The following EGFL7 variants were observed in gnomAD, a reference collection of about 807,000 sequenced individuals.
The protein encoded by EGFL7 is epidermal growth factor-like protein 7.
A neutral mutation model predicts 37.1 loss-of-function variants in EGFL7; 48 were observed. That is an observed-to-expected ratio of 1.29 (90% CI 1.03 to 1.65). EGFL7 has a LOEUF of 1.65. EGFL7 is among the 40% of genes most tolerant of loss of function. The pLI, the probability that EGFL7 is intolerant of heterozygous loss-of-function variation, is 0.00. For missense variants in EGFL7, 384 were observed against 378.9 expected (o/e 1.01, Z -0.11); for synonymous variants, 180 against 156.8 (o/e 1.15, Z -1.10).
intron 8 of EGFL7, chr9:136,670,733 G>A (rs759996604): frequency 2.3e-5 from 17 of 750,514 alleles, no homozygotes; most frequent in Non-Finnish European, 3.2e-5. Context: ...CTCCCTCAGC[G>A]TGGCCGGGAC....
upstream of EGFL7, among the ~76,000 whole-genome samples, chr9:136,662,766 T>C (rs1293993505): frequency 6.6e-6 from 1 of 152,048 alleles, no homozygotes; most frequent in Non-Finnish European, 1.5e-5. Flanking sequence ...CCTCACACGG[T>C]GGCCCCCACC....
upstream of EGFL7, chr9:136,659,664 G>T (rs1415667223): frequency 6.6e-6 from 1 of 152,414 alleles, no homozygotes; most frequent in Non-Finnish European, 1.5e-5. Context: ...ACTAACCTCA[G>T]AACATTCCCA....
chr9:136,669,207 C>A (rs1017181083), intron 5 of EGFL7, among the ~76,000 whole-genome samples: 9 of 152,218 alleles, frequency 5.9e-5, no homozygotes, highest in Admixed American at 3.3e-4. Flanking sequence ...GGGGAGGGGC[C>A]TGGGAATTCA....
At position 136,672,607 on chromosome 9, in the gene EGFL7, C is replaced by T; in HGVS notation, c.*321C>T. 2.0e-6 allele frequency: 1 copy of T among 502,566 alleles called. No individual in the cohort carries two copies. Among genetic ancestry groups the T allele is most frequent in the South Asian group, 2.9e-5 (1 of 34,192 alleles). 31.1% of individuals were successfully genotyped at this position (502,566 alleles called of 1,614,324 possible). ...CCTGGGACCCATGGCACAGGCCAGG[C>T]AGCCCGGAGGCTGGGTGGGGCCTCA... On this transcript the variant is annotated 3_prime_UTR_variant, in exon 11 of 11. Transcript: ENST00000308874.
rs537014457 is a variant in EGFL7 at position 136,666,727 on chromosome 9, G to A, written c.-42-1514G>A. ...TCCCCCTGCCCACATCAAGCCGCCG[G>A]GCCGCTGCCCTACCTCTTCCTTCCC... On this transcript the variant is annotated intron_variant, in intron 3 of 10. Coordinates refer to ENST00000308874, the MANE Select transcript of EGFL7 (RefSeq NM_016215.5). The surrounding 1 kb of genome is among the most constrained non-coding windows in gnomAD (Gnocchi z 6.8). Among the ~76,000 whole-genome samples, 21 of 152,094 alleles carry A rather than the reference G, an allele frequency of 1.4e-4. No homozygotes were observed. The highest frequency in any genetic ancestry group is 4.8e-4 in the African/African-American group (20 of 41,482).
In EGFL7 at chr9:136,672,099, C is replaced by T. The variant is rs932266007; in HGVS notation, c.799+11C>T. 5 of 1,547,848 alleles carry T rather than the reference C, an allele frequency of 3.2e-6. No individual in the cohort carries two copies. The African/African-American group carries it at 6.8e-5, about 21-fold the overall frequency. On this transcript the variant is annotated intron_variant, in intron 10 of 10. Coordinates refer to ENST00000308874, the MANE Select transcript of EGFL7 (RefSeq NM_016215.5). ...AGCAGCTGGGGTCCTGTGAGTGCCC[C>T]CACCCTCCAGAGCCCTCCTCCCGGG... is the stretch of plus-strand genomic sequence containing the variant.
At position 136,669,920 on chromosome 9, in the gene EGFL7, G is replaced by T; in HGVS notation, c.320G>T (p.Cys107Phe). The change falls in exon 7 of 11, where the codon TGC (cysteine) becomes TTC (phenylalanine). Residue 107 changes from cysteine (C) to phenylalanine (F), a missense_variant. By Grantham distance (205) the Cys-to-Phe change is radical. Transcript: ENST00000308874. ...GLPGACGAAICQPPCRNGGSC... is the reference protein window; with the variant it reads ...GLPGACGAAIFQPPCRNGGSC... ...CAGCCTCCCCCGCCCACAGCAATAT[G>T]CCAGCCGCCATGCCGGAACGGAGGG... 1 of 1,593,084 alleles carries T rather than the reference G, an allele frequency of 6.3e-7. No individual in the cohort carries two copies. The highest frequency in any genetic ancestry group is 8.5e-7 in the Non-Finnish European group (1 of 1,170,834).
chr9:136,671,614 C>G (rs1270956691), intron 9 of EGFL7, among the ~76,000 whole-genome samples: 2 of 151,514 alleles, frequency 1.3e-5, no homozygotes, highest in African/African-American at 4.9e-5. Context: ...GACCTCCCCA[C>G]CCCCCCATCT....
rs760679475 is a variant in EGFL7 at position 136,668,564 on chromosome 9, G to A, written c.88G>A (p.Val30Met). ...TEHAYRPGRR[V>M]CAVRAHGDPV... ...CCCTCTCCACCCCCGCAGCCGTAGG[G>A]TGTGTGCTGTCCGGGCTCACGGGGA... Residue 30 changes from valine (V) to methionine (M), a missense_variant, in exon 5 of 11, where the codon GTG becomes ATG. By Grantham distance (21) the Val-to-Met change is conservative (BLOSUM62 1). Coordinates refer to ENST00000308874, the MANE Select transcript of EGFL7 (RefSeq NM_016215.5). The A allele has an allele frequency of 3.4e-5, 55 of 1,608,914 alleles. No homozygotes were observed. Among genetic ancestry groups the A allele is most frequent in the Non-Finnish European group, 4.3e-5 (51 of 1,179,730 alleles).
At chr9:136,664,208 GC>G (rs1845320566) in intron 2 of EGFL7, among the ~76,000 whole-genome samples, 1 of 152,206 alleles carries the variant, frequency 6.6e-6, no homozygotes, top group Admixed American at 6.5e-5. Flanking sequence ...TGGACCACGT[GC>G]CAGGGGCTTC....
chr9:136,672,210 G>A, intron 10 of EGFL7, 54 bp from the exon 11 acceptor site: 3 of 1,612,800 alleles, frequency 1.9e-6, no homozygotes, highest in Non-Finnish European at 2.5e-6. Context: ...ATCTAGCTGG[G>A]CGGGGAGGCT....
At position 136,663,567 on chromosome 9, in the gene EGFL7, G is replaced by A. The variant is rs932368846; in HGVS notation, c.-193G>A. ...GGGCCCGGGGAGGGGAACTGGCCCCGAGGGAGAGGAACCCCAAAGCCACAT... is the reference window on the plus strand; with the variant it reads ...GGGCCCGGGGAGGGGAACTGGCCCCAAGGGAGAGGAACCCCAAAGCCACAT... On this transcript the variant is annotated 5_prime_UTR_variant, in exon 2 of 11. Transcript: ENST00000308874. 4 of 152,328 alleles carry A rather than the reference G, an allele frequency of 2.6e-5. No homozygotes were observed. The highest frequency in any genetic ancestry group is 6.5e-5 in the Admixed American group (1 of 15,284). 9.4% of individuals were successfully genotyped at this position (152,328 alleles called of 1,614,324 possible). A position where few individuals can be genotyped will look rare whatever the true frequency, so the allele number is the denominator to read the frequency against.
At chr9:136,669,567 A>T (rs758005808) in intron 5 of EGFL7, 39 bp from the exon 6 acceptor site, 1 of 1,470,094 alleles carries the variant, frequency 6.8e-7, no homozygotes, top group Non-Finnish European at 9.4e-7. Flanking sequence ...ACTAAGGGGG[A>T]GTAGGATGCC....
chr9:136,663,231 G>A (rs1317091170), intron 1 of EGFL7, 123 bp downstream of exon 1: 2 of 152,394 alleles, frequency 1.3e-5, no homozygotes, highest in Non-Finnish European at 2.9e-5. Context: ...GAGGTCACAG[G>A]GGAGGGGTCC....
At chr9:136,669,534 G>T (rs1398512436) in intron 5 of EGFL7, 72 bp from the exon 6 acceptor site, 9 of 1,128,348 alleles carry the variant, frequency 8.0e-6, no homozygotes, top group Non-Finnish European at 1.2e-5. Flanking sequence ...CTCTGAGAGG[G>T]GACTCTAGAT....
chr9:136,672,048 G>C lies in EGFL7; in HGVS notation c.759G>C (p.Leu253=), dbSNP rs1425416720. ...AGCAGCTCGGCCGCATCGACTCCCT[G>C]AGCGAGCAGATTTCCTTCCTGGAGG... is the stretch of plus-strand genomic sequence containing the variant. ...SFQQLGRIDS[L]SEQISFLEEQ... The change falls in exon 10 of 11, where the codon CTG becomes CTC. Residue 253 remains leucine, a synonymous_variant. Coordinates refer to ENST00000308874, the MANE Select transcript of EGFL7 (RefSeq NM_016215.5). 3.2e-6 allele frequency: 5 copies of C among 1,546,014 alleles called. No homozygotes were observed. The highest frequency in any genetic ancestry group is 4.4e-6 in the Non-Finnish European group (5 of 1,147,014).
intron 9 of EGFL7, 22 bp downstream of exon 9, chr9:136,671,036 G>GTC: frequency 2.1e-6 from 2 of 966,062 alleles, no homozygotes; most frequent in Non-Finnish European, 2.9e-6. Flanking sequence ...GTGGGGGGGG[G>GTC]GGGGGGCAGG....
In EGFL7 at chr9:136,668,293, C is replaced by T; in HGVS notation, c.11C>T (p.Ser4Phe). Residue 4 changes from serine to phenylalanine, a missense_variant, in exon 4 of 11, where the codon TCT becomes TTT. Coordinates refer to ENST00000308874, the MANE Select transcript of EGFL7 (RefSeq NM_016215.5). MRG[S>F]QEVLLMWLLV... is the part of the protein sequence containing the mutation. ...CTGGAGGCACAGGCCATGAGGGGCTCTCAGGAGGTGCTGCTGATGTGGCTT... is the reference window on the plus strand; with the variant it reads ...CTGGAGGCACAGGCCATGAGGGGCTTTCAGGAGGTGCTGCTGATGTGGCTT... 7 of 1,606,910 alleles carry T rather than the reference C, an allele frequency of 4.4e-6. No individual in the cohort carries two copies. The highest frequency in any genetic ancestry group is 5.9e-6 in the Non-Finnish European group (7 of 1,177,264).
At chr9:136,659,484 G>A (rs952517624), upstream of EGFL7, 4 of 152,340 alleles carry the variant, frequency 2.6e-5, no homozygotes, top group African/African-American at 9.7e-5. Flanking sequence ...TGCCCAGGCT[G>A]GCCTCTGCCA....
Sources: gnomAD v4.1 joint callset for allele counts (sites outside exome capture counted in the v4.1 genomes callset) on GRCh38, gnomAD v4.1.1 for gene constraint, Gnocchi (gnomAD v3.1) non-coding constraint, MANE v1.5 for transcripts, NCBI Gene and HGNC (gene_info 2026-07-23, HGNC 2026-07-21) for gene names.